TBC1D13: variants seen among roughly 807,000 people sequenced by gnomAD.
TBC1D13 encodes the protein TBC1 domain family member 13, also known as epididymis secretory sperm binding protein.
A neutral mutation model predicts 53.6 loss-of-function variants in TBC1D13; 40 were observed. The observed-to-expected ratio is 0.75, with a 90% confidence interval of 0.58 to 0.97. The LOEUF is 0.97. Ranked by LOEUF, TBC1D13 falls within the 50% of genes least tolerant of loss-of-function variation. The probability of loss-of-function intolerance (pLI) is 0.00; values close to 1 mark genes in which losing one functional copy is unlikely to be tolerated. For synonymous variants in TBC1D13, 182 were observed against 197.7 expected (o/e 0.92, Z 0.67); for missense variants, 377 against 499.4 (o/e 0.75, Z 2.34).
At chr9:128,791,529 C>T in intron 4 of TBC1D13, 65 bp from the exon 5 acceptor site, 1 of 1,608,524 alleles carries the variant, frequency 6.2e-7, no homozygotes, top group East Asian at 2.2e-5. Context: ...CCTGCGGCTG[C>T]TGCTCTGCTC....
In TBC1D13 at chr9:128,808,024, C is replaced by A; in HGVS notation, c.*145C>A. The A allele has an allele frequency of 1.4e-6, 1 of 734,490 alleles. No homozygotes were observed. The highest frequency in any genetic ancestry group is 2.4e-6 in the Non-Finnish European group (1 of 423,930). The allele number at this position is 734,490 out of a possible 1,614,324, so 45.5% of individuals were successfully genotyped here. A position where few individuals can be genotyped will look rare whatever the true frequency, so the allele number is the denominator to read the frequency against. ...ACCCAGGCCATGCCCACTGGGGACA[C>A]ACTGTGCCGTGCTCCTTCTGCCGCC... is the stretch of plus-strand genomic sequence containing the variant. On this transcript the variant is annotated 3_prime_UTR_variant, in exon 12 of 12. Coordinates refer to ENST00000372648, the MANE Select transcript of TBC1D13 (RefSeq NM_018201.5).
chr9:128,788,553 T>G (rs1829472290), intron 2 of TBC1D13, 146 bp downstream of exon 2: 2 of 671,344 alleles, frequency 3.0e-6, no homozygotes, highest in African/African-American at 3.6e-5. Flanking sequence ...TCTTGGGGCC[T>G]TTTCCAGATT....
Position 128,803,374 on chromosome 9 carries a change from C to T in TBC1D13, c.668C>T (p.Pro223Leu), listed in dbSNP as rs1004974344. The T allele has an allele frequency of 1.9e-6, 3 of 1,614,224 alleles. No homozygotes were observed. The highest frequency in any genetic ancestry group is 1.1e-5 in the South Asian group (1 of 91,088). Residue 223 changes from proline to leucine, a missense_variant, in exon 8 of 12, where the codon CCT becomes CTT. Coordinates refer to ENST00000372648, the MANE Select transcript of TBC1D13 (RefSeq NM_018201.5). ...CTGTTCATCTACGCCAAGCTCAACC[C>T]TGGCATCGCTTATGTGCAAGGCATG... ...RILFIYAKLN[P>L]GIAYVQGMNE...
In TBC1D13 at chr9:128,804,135, A is replaced by G; in HGVS notation, c.918+16A>G. The G allele has an allele frequency of 1.2e-6, 2 of 1,612,786 alleles. No individual in the cohort carries two copies. Among genetic ancestry groups the G allele is most frequent in the Non-Finnish European group, 1.7e-6 (2 of 1,179,320 alleles). On this transcript the variant is annotated intron_variant, in intron 9 of 11. Coordinates refer to ENST00000372648, the MANE Select transcript of TBC1D13 (RefSeq NM_018201.5). Reference sequence around the variant, plus strand: ...CCTGAAACTGGTGAGGACCCCAGGAACAGACGGGTGGAAAGGGACAGGAGG... The same window carrying G: ...CCTGAAACTGGTGAGGACCCCAGGAGCAGACGGGTGGAAAGGGACAGGAGG...
At chr9:128,805,589 A>G (rs1325792436) in intron 9 of TBC1D13, among the ~76,000 whole-genome samples, 1 of 152,226 alleles carries the variant, frequency 6.6e-6, no homozygotes, top group Non-Finnish European at 1.5e-5. Context: ...TTGAGCCATC[A>G]TTTATAAATC....
At chr9:128,795,692 C>T (rs1317783151) in intron 6 of TBC1D13, among the ~76,000 whole-genome samples, 1 of 152,026 alleles carries the variant, frequency 6.6e-6, no homozygotes, top group East Asian at 1.9e-4. Flanking sequence ...GATCTCTGGA[C>T]CTCGTGATCC....
chr9:128,790,257 CA>C (rs10658153), intron 2 of TBC1D13, among the ~76,000 whole-genome samples: 9 of 107,928 alleles, frequency 8.3e-5, no homozygotes, highest in East Asian at 2.7e-4. Flanking sequence ...ACTTTGTCTC[CA>C]AAAAAAAAAA....
chr9:128,800,367 C>A (rs1292546643), intron 7 of TBC1D13, among the ~76,000 whole-genome samples: 2 of 106,714 alleles, frequency 1.9e-5, no homozygotes, highest in Non-Finnish European at 3.6e-5. Context: ...TATCTTCCAA[C>A]TTTTTTTTTT....
intron 9 of TBC1D13, among the ~76,000 whole-genome samples, chr9:128,805,230 C>T (rs752268529): frequency 9.9e-5 from 15 of 152,050 alleles, no homozygotes; most frequent in African/African-American, 2.7e-4. Context: ...CTCAGCTACT[C>T]GGGAGGCTGA....
At chr9:128,806,694 G>A (rs1025684020) in intron 11 of TBC1D13, among the ~76,000 whole-genome samples, 1 of 152,054 alleles carries the variant, frequency 6.6e-6, no homozygotes, top group African/African-American at 2.4e-5. Flanking sequence ...TATAATCCCA[G>A]CACTTTGGGA....
intron 2 of TBC1D13, among the ~76,000 whole-genome samples, chr9:128,790,444 C>T (rs753077187): frequency 6.6e-6 from 1 of 151,944 alleles, no homozygotes; most frequent in Admixed American, 6.6e-5. Flanking sequence ...CACAGTGGCG[C>T]GTGCCTGTAA....
chr9:128,790,654 C>T, intron 2 of TBC1D13, 81 bp from the exon 3 acceptor site: 1 of 1,362,350 alleles, frequency 7.3e-7, no homozygotes, highest in Non-Finnish European at 9.9e-7. Context: ...ACTCTACTCC[C>T]CGCCAGTTGG....
rs533548648 is a variant in TBC1D13 at position 128,803,241 on chromosome 9, C to T, written c.544-9C>T. On this transcript the variant is annotated splice_polypyrimidine_tract_variant and intron_variant, in intron 7 of 11. Coordinates refer to ENST00000372648, the MANE Select transcript of TBC1D13 (RefSeq NM_018201.5). ...TCTTTCTTGATGGGCTCCTCCTCTT[C>T]TCCTCCAGATGAGCTCCCCACACAA... 3 of 1,613,190 alleles carry T rather than the reference C, an allele frequency of 1.9e-6. No homozygotes were observed. In the African/African-American group the frequency reaches 4.0e-5, roughly 22 times the overall value.
At chr9:128,797,727 T>C (rs537470850) in intron 7 of TBC1D13, among the ~76,000 whole-genome samples, 14 of 152,048 alleles carry the variant, frequency 9.2e-5, no homozygotes, top group African/African-American at 3.1e-4. Context: ...GGTTTGAGCC[T>C]GGGAGGCAGA....
chr9:128,795,554 G>A (rs1409341998), intron 6 of TBC1D13, among the ~76,000 whole-genome samples: 2 of 135,242 alleles, frequency 1.5e-5, no homozygotes, highest in African/African-American at 2.8e-5. Context: ...TCCGCCTCCC[G>A]GGTTCACACC....
chr9:128,800,536 A>G (rs1450559564), intron 7 of TBC1D13, among the ~76,000 whole-genome samples: 1 of 151,778 alleles, frequency 6.6e-6, no homozygotes, highest in African/African-American at 2.4e-5. Context: ...ACACCTGGCT[A>G]ATTTTTGTAT....
chr9:128,804,858 A>G lies in TBC1D13; in HGVS notation c.918+739A>G, dbSNP rs996950012. Among the ~76,000 whole-genome samples the G allele has an allele frequency of 1.2e-4, 18 of 150,174 alleles. No homozygotes were observed. In the East Asian group the frequency reaches 1.4e-3, roughly 12 times the overall value. ...ATTCTCATGCCTCAGCCTCCCCAGT[A>G]GCTGGGATTACAGGCGTGCGTTACC... On this transcript the variant is annotated intron_variant, in intron 9 of 11. Coordinates refer to ENST00000372648, the MANE Select transcript of TBC1D13 (RefSeq NM_018201.5).
In TBC1D13 at chr9:128,808,106, G is replaced by A; in HGVS notation, c.*227G>A. On this transcript the variant is annotated 3_prime_UTR_variant, in exon 12 of 12. Coordinates refer to ENST00000372648, the MANE Select transcript of TBC1D13 (RefSeq NM_018201.5). ...CCCTCTTTGCCCAGGATACTGAGGA[G>A]GGCTGGAGCTCGGGAAGTTGTCCTT... 3 of 535,644 alleles carry A rather than the reference G, an allele frequency of 5.6e-6. No individual in the cohort carries two copies. The allele number at this position is 535,644 out of a possible 1,614,324, so 33.2% of individuals were successfully genotyped here.
rs1829433598 is a variant in TBC1D13 at position 128,787,299 on chromosome 9, C to T, written c.-55C>T. On this transcript the variant is annotated 5_prime_UTR_variant, in exon 1 of 12. Coordinates refer to ENST00000372648, the MANE Select transcript of TBC1D13 (RefSeq NM_018201.5). Reference sequence around the variant, plus strand: ...GGGGGCGGCGGCGGCGGCGGCAGCGCAGGCGGCAGAGGCGCAGGCGGCGGA... The same window carrying T: ...GGGGGCGGCGGCGGCGGCGGCAGCGTAGGCGGCAGAGGCGCAGGCGGCGGA... The T allele has an allele frequency of 1.6e-6, 2 of 1,254,864 alleles. No homozygotes were observed. The highest frequency in any genetic ancestry group is 1.5e-5 in the African/African-American group (1 of 64,632). 77.7% of individuals were successfully genotyped at this position (1,254,864 alleles called of 1,614,324 possible). A position where few individuals can be genotyped will look rare whatever the true frequency, so the allele number is the denominator to read the frequency against.
Sources: allele counts gnomAD v4.1 joint callset (sites outside exome capture counted in the v4.1 genomes callset), GRCh38; gene constraint gnomAD v4.1.1; transcripts MANE v1.5; gene names NCBI Gene and HGNC (gene_info 2026-07-23, HGNC 2026-07-21).